MEGF10: variants seen among roughly 807,000 people sequenced by gnomAD.
The protein encoded by MEGF10 is multiple EGF like domains 10.
Under a neutral mutation model 147.5 loss-of-function variants are expected in MEGF10, and 86 were observed. The observed-to-expected ratio is 0.58, with a 90% CI of 0.49 to 0.70. MEGF10 has a LOEUF of 0.70. MEGF10 is among the 30% of genes least tolerant of loss of function. The pLI is 0.00. For synonymous variants in MEGF10, 478 were observed against 525.5 expected, an observed-to-expected ratio of 0.91 and a Z score of 1.24; for missense variants, 1,329 against 1,487.3, an observed-to-expected ratio of 0.89 and a Z score of 1.75.
At chr5:127,336,375 T>G (rs1761469845) in intron 2 of MEGF10, among the ~76,000 whole-genome samples, 2 of 152,044 alleles carry the variant, frequency 1.3e-5, no homozygotes, top group Non-Finnish European at 2.9e-5. Context: ...GAGAGCTCCT[T>G]GAGGGCAGGA....
chr5:127,241,204 A>G, the MEGF10 span, among the ~76,000 whole-genome samples: 2 of 152,228 alleles, frequency 1.3e-5, no homozygotes, highest in Non-Finnish European at 2.9e-5. Context: ...TGCAAGTGAC[A>G]TATAACCAAA....
At chr5:127,354,098 C>T (rs73344964) in intron 4 of MEGF10, among the ~76,000 whole-genome samples, 9,644 of 152,256 alleles carry the variant, frequency 0.063, 635 homozygotes, top group African/African-American at 0.16. Context: ...TGGCCAACTT[C>T]ATGTAAAACT....
chr5:127,385,666 C>G (rs1436888890), intron 5 of MEGF10, among the ~76,000 whole-genome samples: 1 of 152,212 alleles, frequency 6.6e-6, no homozygotes, highest in Non-Finnish European at 1.5e-5. Flanking sequence ...ACATCTCTTT[C>G]CCTATGATAA....
chr5:127,424,619 A>G (rs1765149418), intron 13 of MEGF10: 2 of 1,234,202 alleles, frequency 1.6e-6, no homozygotes, highest in Non-Finnish European at 2.1e-6. Flanking sequence ...CTTGATTTCT[A>G]GTGTCTGAGA....
chr5:127,404,345 C>T (rs1580823832), intron 8 of MEGF10, among the ~76,000 whole-genome samples: 1 of 143,664 alleles, frequency 7.0e-6, no homozygotes, highest in Non-Finnish European at 1.5e-5. Flanking sequence ...GTTTGAGCTC[C>T]TTATATATGC....
the MEGF10 span, among the ~76,000 whole-genome samples, chr5:127,234,537 A>T: frequency 7.9e-5 from 12 of 152,278 alleles, 1 homozygote; most frequent in Admixed American, 5.2e-4. Flanking sequence ...AACATAAATA[A>T]ATCTTCTATC....
intron 9 of MEGF10, among the ~76,000 whole-genome samples, chr5:127,416,140 G>C (rs1224563590): frequency 1.3e-5 from 2 of 151,898 alleles, no homozygotes; most frequent in African/African-American, 4.8e-5. Context: ...CCATTCTCCT[G>C]CCTCAGCCTC....
intron 5 of MEGF10, among the ~76,000 whole-genome samples, chr5:127,370,930 C>A (rs1762823394): frequency 6.6e-6 from 1 of 152,200 alleles, no homozygotes; most frequent in African/African-American, 2.4e-5. Flanking sequence ...TGAGAGCACA[C>A]ATTTCTCTTC....
chr5:127,325,782 G>A lies in MEGF10; in HGVS notation c.-18-5509G>A, dbSNP rs193014584. On this transcript the variant is annotated intron_variant, in intron 1 of 24. Coordinates refer to ENST00000503335, the MANE Select transcript of MEGF10 (RefSeq NM_001256545.2). ...GTTTAGGGATTTTTTTGTGGAGATG[G>A]GGCTTGTTTATAAAACCATTTTAAG... Among the ~76,000 whole-genome samples the A allele has an allele frequency of 6.5e-4, 98 of 150,336 alleles. 1 individual carries two copies. Among genetic ancestry groups the A allele is most frequent in the Admixed American group, 5.8e-3 (88 of 15,048 alleles).
intron 2 of MEGF10, among the ~76,000 whole-genome samples, chr5:127,338,094 A>G (rs942860160): frequency 1.2e-4 from 18 of 152,134 alleles, no homozygotes; most frequent in African/African-American, 4.3e-4. Context: ...TTTTCAAATG[A>G]GAAGGTTCTG....
In MEGF10 at chr5:127,457,858, T is replaced by C. The variant is rs1766422882; in HGVS notation, c.*540T>C. The C allele has an allele frequency of 6.6e-6, 1 of 152,630 alleles. No homozygotes were observed. The allele number at this position is 152,630 out of a possible 1,614,324, so 9.5% of individuals were successfully genotyped here. A position where few individuals can be genotyped will look rare whatever the true frequency, so the allele number is the denominator to read the frequency against. On this transcript the variant is annotated 3_prime_UTR_variant, in exon 25 of 25. Coordinates refer to ENST00000503335, the MANE Select transcript of MEGF10 (RefSeq NM_001256545.2). The stretch of plus-strand genomic sequence containing the variant: ...ATAATATGAATGCAGGAGGAAACAT[T>C]CTGTCAGGCGGTATGACTGGACAGA...
chr5:127,454,555 CT>C lies in MEGF10; in HGVS notation c.2981-8del. The C allele has an allele frequency of 6.2e-7, 1 of 1,603,102 alleles. No individual in the cohort carries two copies. The highest frequency in any genetic ancestry group is 8.5e-7 in the Non-Finnish European group (1 of 1,176,204). ...TTCTCACTGGGTGTTTTTTTTCTTCCTTTATTACAGGTGCTTTTGGACTTGA... is the reference window on the plus strand; with the variant it reads ...TTCTCACTGGGTGTTTTTTTTCTTCCTTATTACAGGTGCTTTTGGACTTGA... On this transcript the variant is annotated splice_polypyrimidine_tract_variant and intron_variant, in intron 22 of 24. Coordinates refer to ENST00000503335, the MANE Select transcript of MEGF10 (RefSeq NM_001256545.2).
chr5:127,362,653 C>A (rs35526), intron 4 of MEGF10, among the ~76,000 whole-genome samples: 1 of 151,926 alleles, frequency 6.6e-6, no homozygotes, highest in Non-Finnish European at 1.5e-5. Context: ...CGTGACCCAC[C>A]GCACCCGGCC....
intron 4 of MEGF10, among the ~76,000 whole-genome samples, chr5:127,344,506 T>C (rs1351726937): frequency 6.6e-6 from 1 of 152,162 alleles, no homozygotes; most frequent in Non-Finnish European, 1.5e-5. Context: ...TTTACCTAAA[T>C]AAAATAACTG....
In MEGF10 at chr5:127,438,424, T is replaced by G; in HGVS notation, c.2105-15T>G. The G allele has an allele frequency of 1.2e-6, 2 of 1,613,300 alleles. No homozygotes were observed. ...CTCAGAACTCTGATGGACTTCTCCA[T>G]ACCTGTAATTTCAGCATGTCCACCT... On this transcript the variant is annotated splice_polypyrimidine_tract_variant and intron_variant, in intron 16 of 24. Coordinates refer to ENST00000503335, the MANE Select transcript of MEGF10 (RefSeq NM_001256545.2).
intron 5 of MEGF10, among the ~76,000 whole-genome samples, chr5:127,389,268 C>CA (rs753448794): frequency 5.3e-5 from 8 of 152,088 alleles, no homozygotes; most frequent in Non-Finnish European, 7.4e-5. Context: ...ATTAAAAAGT[C>CA]AAAAAATAAC....
chr5:127,363,358 G>T (rs928480309), intron 4 of MEGF10, among the ~76,000 whole-genome samples: 1 of 152,096 alleles, frequency 6.6e-6, no homozygotes, highest in African/African-American at 2.4e-5. Flanking sequence ...GTGGTTTATG[G>T]CACTTATTTA....
the MEGF10 span, among the ~76,000 whole-genome samples, chr5:127,247,447 A>AG: frequency 3.0e-5 from 2 of 67,448 alleles, 1 homozygote; most frequent in African/African-American, 1.1e-4. Flanking sequence ...GAAGAAGAAG[A>AG]AGAAGAAGAA....
intron 1 of MEGF10, among the ~76,000 whole-genome samples, chr5:127,301,853 A>C (rs1406271539): frequency 6.6e-6 from 1 of 152,238 alleles, no homozygotes; most frequent in Non-Finnish European, 1.5e-5. Context: ...TCTAGGAATC[A>C]GGTCTGCTTC....
Sources: gnomAD v4.1 joint callset for allele counts (sites outside exome capture counted in the v4.1 genomes callset) on GRCh38, gnomAD v4.1.1 for gene constraint, MANE v1.5 for transcripts, NCBI Gene and HGNC (gene_info 2026-07-23, HGNC 2026-07-21) for gene names.